INSR: variants seen among roughly 807,000 people sequenced by gnomAD.
INSR encodes the protein IR.
In INSR, 67 loss-of-function variants were observed where a neutral mutation model predicts 142.6. The observed-to-expected ratio is 0.47, with a 90% CI of 0.39 to 0.58. The LOEUF (loss-of-function observed/expected upper bound fraction) is 0.58. INSR is among the 20% of genes least tolerant of loss of function. The pLI is 0.00. For synonymous variants in INSR, 756 were observed against 743.1 expected (o/e 1.02, Z -0.28); for missense variants, 1,248 against 1,833.2 (o/e 0.68, Z 5.83).
chr19:7,226,062 A>C (rs1975769651), intron 2 of INSR, among the ~76,000 whole-genome samples: 1 of 152,214 alleles, frequency 6.6e-6, no homozygotes, highest in South Asian at 2.1e-4. Flanking sequence ...GTTAGGGGGA[A>C]GTCTCATTTT....
intron 2 of INSR, among the ~76,000 whole-genome samples, chr19:7,185,970 G>A (rs545771707): frequency 9.8e-4 from 149 of 151,426 alleles, no homozygotes; most frequent in African/African-American, 2.7e-3. Context: ...CAAGGTGGGC[G>A]GATCACCTGA....
intron 10 of INSR, 39 bp downstream of exon 10, chr19:7,152,687 A>G (rs1447943522): frequency 6.5e-7 from 1 of 1,546,908 alleles, no homozygotes; most frequent in South Asian, 1.1e-5. Context: ...CACCAAGCCA[A>G]TTGGCACCCA....
chr19:7,153,475 CACCACACACGCACCACACACA>C, intron 9 of INSR, among the ~76,000 whole-genome samples: 1 of 132,372 alleles, frequency 7.6e-6, no homozygotes, highest in Non-Finnish European at 1.7e-5. Flanking sequence ...ACCACACACA[CACCACACACGCACCACACACA>C]CACACAGTGA....
intron 16 of INSR, 101 bp downstream of exon 16, chr19:7,126,483 G>A: frequency 9.3e-7 from 1 of 1,077,056 alleles, no homozygotes; most frequent in Non-Finnish European, 1.4e-6. Flanking sequence ...GCTTTTCTTG[G>A]CCTCCCTGGG....
chr19:7,228,520 T>C (rs143511325), intron 2 of INSR, among the ~76,000 whole-genome samples: 16 of 152,332 alleles, frequency 1.1e-4, no homozygotes, highest in Non-Finnish European at 1.8e-4. Context: ...GCTGACCATA[T>C]TCAGCTGCGT....
intron 2 of INSR, among the ~76,000 whole-genome samples, chr19:7,243,683 A>T (rs1000235634): frequency 3.3e-5 from 5 of 152,216 alleles, no homozygotes; most frequent in Admixed American, 2.0e-4. Flanking sequence ...ACTGATGAAG[A>T]CATTGCAAAA....
chr19:7,229,004 T>TGGATGGAC (rs143154479), intron 2 of INSR, among the ~76,000 whole-genome samples: 53 of 150,372 alleles, frequency 3.5e-4, no homozygotes, highest in Non-Finnish European at 4.7e-4. Flanking sequence ...GATGGATGGA[T>TGGATGGAC]GGACGTCTGG....
At chr19:7,273,953 G>A (rs183628849) in intron 1 of INSR, among the ~76,000 whole-genome samples, 283 of 151,920 alleles carry the variant, frequency 1.9e-3, no homozygotes, top group African/African-American at 5.8e-3. Flanking sequence ...AGATCATCCC[G>A]TCGCACTCCA....
intron 13 of INSR, among the ~76,000 whole-genome samples, chr19:7,137,798 C>CAAAAAAAAAAAAAAA (rs1176523364): frequency 7.2e-5 from 3 of 41,468 alleles, no homozygotes; most frequent in African/African-American, 1.0e-4. Flanking sequence ...GACTCCATCT[C>CAAAAAAAAAAAAAAA]AAAAAAAAAA....
intron 1 of INSR, among the ~76,000 whole-genome samples, chr19:7,284,575 C>G (rs1414103287): frequency 2.0e-5 from 3 of 152,152 alleles, no homozygotes; most frequent in African/African-American, 7.2e-5. Context: ...GTCACCCAGG[C>G]TGGAGTGCAG....
chr19:7,259,085 T>C (rs1348967279), intron 2 of INSR, among the ~76,000 whole-genome samples: 2 of 36,132 alleles, frequency 5.5e-5, no homozygotes, highest in Admixed American at 7.3e-4. Context: ...CCTTCTTTCC[T>C]TCCCGCCTTC....
chr19:7,218,526 T>G (rs4804405), intron 2 of INSR, among the ~76,000 whole-genome samples: 125,856 of 151,910 alleles, frequency 0.83, 52,278 homozygotes, highest in Non-Finnish European at 0.85. Context: ...TGTTTTGTTG[T>G]TTTTTTCTGT....
At chr19:7,248,505 A>G (rs8100770) in intron 2 of INSR, among the ~76,000 whole-genome samples, 38,966 of 130,212 alleles carry the variant, frequency 0.3, 6,775 homozygotes, top group East Asian at 0.56. Context: ...AAAAAAAAAA[A>G]AAAGCATGAC....
chr19:7,170,007 T>C (rs1599940549), intron 6 of INSR, among the ~76,000 whole-genome samples: 1 of 152,018 alleles, frequency 6.6e-6, no homozygotes, highest in Admixed American at 6.6e-5. Context: ...ACAGCAGGGG[T>C]CCCCAGCCCC....
At chr19:7,204,948 G>C (rs949703822) in intron 2 of INSR, among the ~76,000 whole-genome samples, 4 of 152,124 alleles carry the variant, frequency 2.6e-5, no homozygotes, top group African/African-American at 9.7e-5. Flanking sequence ...GCCGGGCATG[G>C]TGGCGGGTGC....
At chr19:7,274,571 C>T (rs558658029) in intron 1 of INSR, among the ~76,000 whole-genome samples, 9 of 151,870 alleles carry the variant, frequency 5.9e-5, no homozygotes, top group South Asian at 2.1e-4. Flanking sequence ...GAGGCCGAGT[C>T]GGGTGGATCA....
chr19:7,158,949 C>A (rs187380220), intron 9 of INSR, among the ~76,000 whole-genome samples: 2,893 of 152,146 alleles, frequency 0.019, 85 homozygotes, highest in African/African-American at 0.067. Context: ...TGTTGCCAGG[C>A]TGGAGTGCAA....
intron 2 of INSR, among the ~76,000 whole-genome samples, chr19:7,221,435 G>A (rs912693997): frequency 6.7e-5 from 10 of 149,230 alleles, no homozygotes; most frequent in East Asian, 2.0e-4. Flanking sequence ...AAGGCTGGGC[G>A]CAGTGGCCAC....
At position 7,124,540 on chromosome 19, in the gene INSR, GGAAAAAAAAAAAAAAA is replaced by G. The variant is rs1972577068; in HGVS notation, c.3258+727_3258+742del. Among the ~76,000 whole-genome samples, 11 of 10,812 alleles carry G rather than the reference GGAAAAAAAAAAAAAAA, an allele frequency of 1.0e-3. 2 individuals are homozygous for G. The highest frequency in any genetic ancestry group is 2.3e-3 in the African/African-American group (6 of 2,592). 7.1% of individuals were successfully genotyped at this position (10,812 alleles called of 152,430 possible). A position where few individuals can be genotyped will look rare whatever the true frequency, so the allele number is the denominator to read the frequency against. ...CACAACAAAGCGAGACTCCGTTTCA[GGAAAAAAAAAAAAAAA>G]AAAAAAAAAAAAAAAAAAAAAAAAA... On this transcript the variant is annotated intron_variant, in intron 17 of 21. Transcript: ENST00000302850.
Sources: gnomAD v4.1 joint callset for allele counts (sites outside exome capture counted in the v4.1 genomes callset) on GRCh38, gnomAD v4.1.1 for gene constraint, MANE v1.5 for transcripts, NCBI Gene and HGNC (gene_info 2026-07-23, HGNC 2026-07-21) for gene names.